Variants in MSH4 observed in about 807,000 individuals in gnomAD.
The protein encoded by MSH4 is mutS protein homolog 4.
MSH4 carries 106 observed loss-of-function variants against 113.7 expected under a neutral mutation model. That is an observed-to-expected ratio of 0.93 (90% CI 0.80 to 1.10). MSH4 has a LOEUF of 1.10. Ranked by LOEUF, MSH4 falls within the 50% of genes least tolerant of loss-of-function variation. The pLI is 0.00. For missense variants in MSH4, 1,061 were observed against 1,093.7 expected, an observed-to-expected ratio of 0.97 and a Z score of 0.42; for synonymous variants, 368 against 380.2, an observed-to-expected ratio of 0.97 and a Z score of 0.37.
chr1:75,897,030 T>C (rs1009800723), intron 17 of MSH4, among the ~76,000 whole-genome samples: 3 of 152,202 alleles, frequency 2.0e-5, no homozygotes, highest in Admixed American at 6.5e-5. Context: ...ATTTTGCCAA[T>C]CAATTATTTT....
chr1:75,870,151 A>C (rs1307490172), intron 9 of MSH4, among the ~76,000 whole-genome samples: 2 of 152,158 alleles, frequency 1.3e-5, no homozygotes, highest in East Asian at 3.9e-4. Flanking sequence ...GTCCCACTGG[A>C]TTTTGGACTT....
intron 6 of MSH4, among the ~76,000 whole-genome samples, chr1:75,822,055 G>A (rs1404062100): frequency 1.3e-5 from 2 of 152,146 alleles, no homozygotes; most frequent in Non-Finnish European, 2.9e-5. Context: ...GCCAAGGCAG[G>A]CGGATCACAA....
At chr1:75,902,663 A>ATATGTG (rs1652529252) in intron 19 of MSH4, among the ~76,000 whole-genome samples, 1 of 122,188 alleles carries the variant, frequency 8.2e-6, no homozygotes, top group Admixed American at 9.2e-5. Context: ...CAGGTGTTAT[A>ATATGTG]TATGTGTATG....
chr1:75,865,205 C>G (rs895577179), intron 8 of MSH4, among the ~76,000 whole-genome samples: 1 of 152,056 alleles, frequency 6.6e-6, no homozygotes, highest in Non-Finnish European at 1.5e-5. Context: ...CTCTCAAATT[C>G]TAGTTTCTCA....
chr1:75,874,076 C>T (rs59109451), intron 9 of MSH4, among the ~76,000 whole-genome samples: 6,837 of 152,214 alleles, frequency 0.045, 191 homozygotes, highest in African/African-American at 0.057. Flanking sequence ...TACAAGCTCA[C>T]CAGCATCCGT....
chr1:75,876,301 T>C (rs1651817010), intron 9 of MSH4, among the ~76,000 whole-genome samples: 1 of 152,106 alleles, frequency 6.6e-6, no homozygotes, highest in Admixed American at 6.5e-5. Flanking sequence ...GTAGATTTAA[T>C]TTTTTTCTTT....
rs761636688 is a variant in MSH4 at position 75,807,087 on chromosome 1, A to T, written c.534A>T (p.Leu178Phe). ...RGEIGMASID[L>F]KNPQIILSQF... is the part of the protein sequence containing the mutation. ...AAATAGGAATGGCAAGTATTGATTT[A>T]AAAAACCCCCAAATTATACTATCCC... Residue 178 changes from leucine (L) to phenylalanine (F), a missense_variant, in exon 3 of 20, where the codon TTA becomes TTT. Coordinates refer to ENST00000263187, the MANE Select transcript of MSH4 (RefSeq NM_002440.4). 9 of 1,586,140 alleles carry T rather than the reference A, an allele frequency of 5.7e-6. No homozygotes were observed. Among genetic ancestry groups the T allele is most frequent in the South Asian group, 1.2e-5 (1 of 84,894 alleles).
intron 7 of MSH4, among the ~76,000 whole-genome samples, chr1:75,832,034 A>G (rs12405178): frequency 0.21 from 31,482 of 152,058 alleles, 3,820 homozygotes; most frequent in African/African-American, 0.3. Flanking sequence ...TTGATAGACC[A>G]CTAGCAAGAT....
intron 9 of MSH4, among the ~76,000 whole-genome samples, chr1:75,870,464 T>TATATATGAGTTACA (rs1051177796): frequency 6.6e-6 from 1 of 152,144 alleles, no homozygotes; most frequent in African/African-American, 2.4e-5. Flanking sequence ...GCTGTTTCCC[T>TATATATGAGTTACA]ACCCAAAACT....
Position 75,822,271 on chromosome 1 carries a change from A to G in MSH4, c.990-138A>G. On this transcript the variant is annotated intron_variant, in intron 6 of 19. Coordinates refer to ENST00000263187, the MANE Select transcript of MSH4 (RefSeq NM_002440.4). ...GCCACTGTACTCCATACTGGGAGAG[A>G]GAGCGAGACTCTGTTTCAAAAAAAA... 3 of 511,502 alleles carry G rather than the reference A, an allele frequency of 5.9e-6. No individual in the cohort carries two copies. The South Asian group carries it at 8.3e-5, about 14-fold the overall frequency. The allele number at this position is 511,502 out of a possible 1,614,324, so 31.7% of individuals were successfully genotyped here. A position where few individuals can be genotyped will look rare whatever the true frequency, so the allele number is the denominator to read the frequency against.
intron 16 of MSH4, 32 bp from the exon 17 acceptor site, chr1:75,890,664 C>A: frequency 3.3e-6 from 4 of 1,211,656 alleles, no homozygotes; most frequent in Non-Finnish European, 4.5e-6. Context: ...TGTTTGGTTA[C>A]AATGAATAAA....
chr1:75,875,576 T>C (rs1322744235), intron 9 of MSH4, among the ~76,000 whole-genome samples: 2 of 152,168 alleles, frequency 1.3e-5, no homozygotes, highest in Non-Finnish European at 2.9e-5. Context: ...TCCGTATCCT[T>C]AGAATACCCA....
chr1:75,893,484 T>C (rs1412197618), intron 17 of MSH4, among the ~76,000 whole-genome samples: 1 of 152,156 alleles, frequency 6.6e-6, no homozygotes, highest in Non-Finnish European at 1.5e-5. Flanking sequence ...CCCTAAATTC[T>C]GATGAGTTGT....
At chr1:75,831,752 A>C (rs553718374) in intron 7 of MSH4, among the ~76,000 whole-genome samples, 1 of 152,228 alleles carries the variant, frequency 6.6e-6, no homozygotes, top group Non-Finnish European at 1.5e-5. Flanking sequence ...ACAAAGACAA[A>C]ACATACCAGA....
chr1:75,824,573 T>C (rs1373971237), intron 7 of MSH4, among the ~76,000 whole-genome samples: 2 of 152,214 alleles, frequency 1.3e-5, no homozygotes, highest in Admixed American at 1.3e-4. Context: ...TGGTATTGCC[T>C]AGGTTTTCTT....
chr1:75,852,711 T>G lies in MSH4; in HGVS notation c.1230+4435T>G, dbSNP rs181011048. 4.6e-4 allele frequency among the ~76,000 whole-genome samples: 70 copies of G among 152,220 alleles called. No homozygotes were observed. The East Asian group carries it at 0.013, about 28-fold the overall frequency. ...TATTATTTGCCCATTTTAAATTGGG[T>G]TGTTTGTATTTTTATTACTGAGTTG... is the stretch of plus-strand genomic sequence containing the variant. On this transcript the variant is annotated intron_variant, in intron 8 of 19. Transcript: ENST00000263187.
chr1:75,803,484 G>T lies in MSH4; in HGVS notation c.245-247G>T, dbSNP rs567482456. ...ATACAAAAATTCACCAGGCGTGGTG[G>T]CGGGTGCCTGTAATCCCAGCTACTC... On this transcript the variant is annotated intron_variant, in intron 1 of 19. Coordinates refer to ENST00000263187, the MANE Select transcript of MSH4 (RefSeq NM_002440.4). Among the ~76,000 whole-genome samples the T allele has an allele frequency of 3.7e-4, 57 of 152,140 alleles. 1 individual carries two copies. The South Asian group carries it at 7.7e-3, about 21-fold the overall frequency.
chr1:75,801,076 T>G (rs1649925240), intron 1 of MSH4, among the ~76,000 whole-genome samples: 1 of 152,232 alleles, frequency 6.6e-6, no homozygotes, highest in African/African-American at 2.4e-5. Context: ...AAGAATATTT[T>G]GTGATATTAA....
intron 7 of MSH4, among the ~76,000 whole-genome samples, chr1:75,840,985 G>A (rs1046361551): frequency 1.3e-5 from 2 of 152,178 alleles, no homozygotes; most frequent in African/African-American, 4.8e-5. Context: ...AAAAGAAGGA[G>A]TAGGATTTTA....
Sources: gnomAD v4.1 joint callset for allele counts (sites outside exome capture counted in the v4.1 genomes callset) on GRCh38, gnomAD v4.1.1 for gene constraint, MANE v1.5 for transcripts, NCBI Gene and HGNC (gene_info 2026-07-23, HGNC 2026-07-21) for gene names.